Variants in ZNF7 observed in about 807,000 individuals in gnomAD.
ZNF7 encodes the protein C2-H2 type zinc finger protein.
A neutral mutation model predicts 12.0 loss-of-function variants in ZNF7; 10 were observed. That is an observed-to-expected ratio of 0.83 (90% CI 0.51 to 1.42). The LOEUF (loss-of-function observed/expected upper bound fraction) is 1.42. ZNF7 is among the 40% of genes most tolerant of loss of function. The pLI is 0.00. For synonymous variants in ZNF7, 334 were observed against 295.0 expected (o/e 1.13, Z -1.35); for missense variants, 854 against 837.2 (o/e 1.02, Z -0.25).
At position 144,842,442 on chromosome 8, in the gene ZNF7, G is replaced by A. The variant is rs754823897; in HGVS notation, c.1335G>A (p.Lys445=). 1 of 1,613,944 alleles carries A rather than the reference G, an allele frequency of 6.2e-7. No homozygotes were observed. The highest frequency in any genetic ancestry group is 8.5e-7 in the Non-Finnish European group (1 of 1,180,026). The change falls in exon 5 of 5, where the codon AAG becomes AAA. Residue 445 remains lysine, a synonymous_variant. Coordinates refer to ENST00000532777, the MANE Select transcript of ZNF7 (RefSeq NM_003416.4). ...HTGEKPYKCN[K]CTKAFGCSSR... is the part of the protein sequence containing the mutation. Reference sequence around the variant, plus strand: ...GAGAGAAGCCTTATAAATGCAACAAGTGTACAAAAGCCTTTGGTTGTAGTT... The same window carrying A: ...GAGAGAAGCCTTATAAATGCAACAAATGTACAAAAGCCTTTGGTTGTAGTT...
downstream of ZNF7, among the ~76,000 whole-genome samples, chr8:144,845,245 G>A (rs1376337566): frequency 6.6e-6 from 1 of 152,098 alleles, no homozygotes; most frequent in Admixed American, 6.5e-5. Context: ...TACTCACTGT[G>A]GTTGTCAGGG....
At chr8:144,841,334 C>T (rs765378544) in intron 4 of ZNF7, 21 bp from the exon 5 acceptor site, 1 of 1,586,320 alleles carries the variant, frequency 6.3e-7, no homozygotes, top group Non-Finnish European at 8.6e-7. Context: ...TAAGGAACGT[C>T]TTTGTTCCTG....
At chr8:144,829,363 C>A in intron 2 of ZNF7, 115 bp from the exon 3 acceptor site, 1 of 1,563,450 alleles carries the variant, frequency 6.4e-7, no homozygotes, top group Non-Finnish European at 8.7e-7. Context: ...CAGAGGAGTC[C>A]TGGTGAGCGT....
chr8:144,837,112 C>T (rs112055929), intron 3 of ZNF7: 13 of 276,310 alleles, frequency 4.7e-5, no homozygotes, highest in Admixed American at 2.0e-4. Flanking sequence ...GGGGTAGAGG[C>T]GGACTGTCCT....
chr8:144,844,235 C>T (rs1008354198), downstream of ZNF7, among the ~76,000 whole-genome samples: 2 of 152,166 alleles, frequency 1.3e-5, no homozygotes, highest in Non-Finnish European at 2.9e-5. Context: ...CTTACTGGGC[C>T]TGTCAGAGAA....
At chr8:144,838,142 T>C (rs1194669587) in intron 4 of ZNF7, 1 of 702,998 alleles carries the variant, frequency 1.4e-6, no homozygotes, top group African/African-American at 1.7e-5. Flanking sequence ...GTTCCTTGGC[T>C]TGTGGATGCG....
At position 144,842,168 on chromosome 8, in the gene ZNF7, G is replaced by A. The variant is rs1252362720; in HGVS notation, c.1061G>A (p.Arg354Lys). ...CAGTCGCAGCTGGTTAGACACCAGAGAACTCACACTGGGGAGAGGCCCTAC... is the reference window on the plus strand; with the variant it reads ...CAGTCGCAGCTGGTTAGACACCAGAAAACTCACACTGGGGAGAGGCCCTAC... ...SQQSQLVRHQ[R>K]THTGERPYPC... Residue 354 changes from arginine to lysine, a missense_variant, in exon 5 of 5, where the codon AGA (arginine) becomes AAA (lysine). Coordinates refer to ENST00000532777, the MANE Select transcript of ZNF7 (RefSeq NM_003416.4). 1.2e-6 allele frequency: 2 copies of A among 1,613,994 alleles called. No individual in the cohort carries two copies. Among genetic ancestry groups the A allele is most frequent in the East Asian group, 2.2e-5 (1 of 44,880 alleles).
downstream of ZNF7, among the ~76,000 whole-genome samples, chr8:144,844,726 A>ACAAAC (rs1245650751): frequency 9.9e-5 from 6 of 60,824 alleles, no homozygotes; most frequent in African/African-American, 3.8e-4. Flanking sequence ...AAAAAAAAAA[A>ACAAAC]AAAAAAAAAA....
Position 144,842,773 on chromosome 8 carries a change from A to G in ZNF7, c.1666A>G (p.Asn556Asp). 6.2e-7 allele frequency: 1 copy of G among 1,614,222 alleles called. No individual in the cohort carries two copies. Among genetic ancestry groups the G allele is most frequent in the Non-Finnish European group, 8.5e-7 (1 of 1,180,052 alleles). The change falls in exon 5 of 5, where the codon AAT (asparagine) becomes GAT (aspartate). Residue 556 changes from asparagine (N) to aspartate (D), a missense_variant. Coordinates refer to ENST00000532777, the MANE Select transcript of ZNF7 (RefSeq NM_003416.4). ...VHTGERPYKCNECGKAFSQNS... is the reference protein window; with the variant it reads ...VHTGERPYKCDECGKAFSQNS... Reference sequence around the variant, plus strand: ...CACTGGAGAGAGGCCCTATAAATGTAATGAATGTGGGAAAGCCTTCAGTCA... The same window carrying G: ...CACTGGAGAGAGGCCCTATAAATGTGATGAATGTGGGAAAGCCTTCAGTCA...
At chr8:144,831,115 C>T in intron 3 of ZNF7, 1 of 442,498 alleles carries the variant, frequency 2.3e-6, no homozygotes, top group South Asian at 1.6e-5. Flanking sequence ...TCTGCTGTGC[C>T]TGTCCTCCTC....
intron 3 of ZNF7, among the ~76,000 whole-genome samples, chr8:144,830,270 T>C (rs565022164): frequency 5.9e-5 from 9 of 152,318 alleles, no homozygotes; most frequent in Admixed American, 2.0e-4. Context: ...CAGGAGCTTC[T>C]TGGGGTGTTG....
rs200905030 is a variant in ZNF7, at chr8:144,833,209, A to AC, written c.130+3605_130+3606insC. Among the ~76,000 whole-genome samples, 3 of 151,656 alleles carry AC rather than the reference A, an allele frequency of 2.0e-5. No homozygotes were observed. The East Asian group carries it at 5.8e-4, about 29-fold the overall frequency. On this transcript the variant is annotated intron_variant, in intron 3 of 4. Transcript: ENST00000532777. ...GAGACTTTGTCTCAAAAAAAAAAAAAAAAAAAGACTATCTCCTTTTCCTGT... is the reference window on the plus strand; with the variant it reads ...GAGACTTTGTCTCAAAAAAAAAAAAACAAAAAAGACTATCTCCTTTTCCTGT...
In ZNF7 at chr8:144,828,555, C is replaced by T. The variant is rs186801784; in HGVS notation, c.-45-488C>T. On this transcript the variant is annotated intron_variant, in intron 1 of 4. Transcript: ENST00000532777. ...GCTTCAGGCCCTTTCACATGCTATT[C>T]CTGCTGCCTGGAGTGCTCTCTCCAC... is the stretch of plus-strand genomic sequence containing the variant. 7.9e-5 allele frequency among the ~76,000 whole-genome samples: 12 copies of T among 152,276 alleles called. No individual in the cohort carries two copies. The East Asian group carries it at 2.3e-3, about 29-fold the overall frequency.
downstream of ZNF7, among the ~76,000 whole-genome samples, chr8:144,845,627 C>T (rs776525571): frequency 1.3e-5 from 2 of 152,206 alleles, no homozygotes; most frequent in Non-Finnish European, 2.9e-5. Flanking sequence ...CTGATATTCA[C>T]AGGCATGAGG....
chr8:144,830,837 G>A (rs1462252436), intron 3 of ZNF7: 7 of 423,198 alleles, frequency 1.7e-5, no homozygotes, highest in Non-Finnish European at 2.9e-5. Context: ...GGGTTCAAGC[G>A]ATTCTCCTGC....
chr8:144,841,974 G>C lies in ZNF7; in HGVS notation c.867G>C (p.Leu289=). Residue 289 remains leucine, a synonymous_variant, in exon 5 of 5, where the codon CTG becomes CTC. Transcript: ENST00000532777. The part of the protein sequence containing the change: ...KCTECGKAFR[L]SSKLIQHQRI... ...CTGAGTGTGGAAAAGCCTTCCGCCT[G>C]AGCTCAAAACTTATTCAGCATCAAA... The C allele has an allele frequency of 6.2e-7, 1 of 1,614,166 alleles. No homozygotes were observed. The highest frequency in any genetic ancestry group is 8.5e-7 in the Non-Finnish European group (1 of 1,180,038).
Position 144,842,412 on chromosome 8 carries a change from C to T in ZNF7, c.1305C>T (p.His435=), listed in dbSNP as rs140218924. Reference sequence around the variant, plus strand: ...GCCTGAGTCAGCATCAGCTGATTCACACTGGAGAGAAGCCTTATAAATGCA... The same window carrying T: ...GCCTGAGTCAGCATCAGCTGATTCATACTGGAGAGAAGCCTTATAAATGCA... ...ISRLSQHQLI[H]TGEKPYKCNK... The change falls in exon 5 of 5, where the codon CAC becomes CAT. Residue 435 remains histidine, a synonymous_variant. Transcript: ENST00000532777. 16 of 1,614,104 alleles carry T rather than the reference C, an allele frequency of 9.9e-6. No individual in the cohort carries two copies. The South Asian group carries it at 1.6e-4, about 17-fold the overall frequency.
At chr8:144,846,487 G>C (rs992911442), downstream of ZNF7, 2 of 280,996 alleles carry the variant, frequency 7.1e-6, no homozygotes, top group Non-Finnish European at 6.8e-6. Flanking sequence ...TGCTGCAGCA[G>C]TGTTTACCAC....
chr8:144,836,944 G>A (rs1296829729), intron 3 of ZNF7: 1 of 152,924 alleles, frequency 6.5e-6, no homozygotes, highest in African/African-American at 2.4e-5. Context: ...GGAGCTTTCT[G>A]ATGCAAAATG....
Sources: gnomAD v4.1 joint callset for allele counts (sites outside exome capture counted in the v4.1 genomes callset) on GRCh38, gnomAD v4.1.1 for gene constraint, MANE v1.5 for transcripts, NCBI Gene and HGNC (gene_info 2026-07-23, HGNC 2026-07-21) for gene names.